Variants in TOX observed in about 807,000 individuals in gnomAD.
TOX encodes thymocyte selection-associated high mobility group box protein TOX.
In TOX, 11 loss-of-function variants were observed where a neutral mutation model predicts 53.7. That is an observed-to-expected ratio of 0.20 (90% confidence interval 0.13 to 0.34). The LOEUF (loss-of-function observed/expected upper bound fraction) is 0.34, where lower values mean the gene tolerates loss of function less well. TOX is among the 10% of genes least tolerant of loss of function. The pLI is 1.00. For missense variants in TOX, 570 were observed against 664.6 expected, an observed-to-expected ratio of 0.86 and a Z score of 1.56; for synonymous variants, 225 against 245.3, an observed-to-expected ratio of 0.92 and a Z score of 0.77.
intron 2 of TOX, among the ~76,000 whole-genome samples, chr8:58,945,508 T>G (rs1209010686): frequency 6.6e-6 from 1 of 152,144 alleles, no homozygotes; most frequent in Non-Finnish European, 1.5e-5. Context: ...AAAGGAAACT[T>G]CTCACCTGAT....
chr8:58,886,726 G>A (rs1811474708), intron 3 of TOX, among the ~76,000 whole-genome samples: 1 of 151,870 alleles, frequency 6.6e-6, no homozygotes, highest in South Asian at 2.1e-4. Flanking sequence ...ATACTCTTAA[G>A]TTTTCCAAGT....
intron 1 of TOX, among the ~76,000 whole-genome samples, chr8:59,116,592 A>G (rs1255498885): frequency 6.6e-6 from 1 of 152,246 alleles, no homozygotes; most frequent in Non-Finnish European, 1.5e-5. Flanking sequence ...CAGTACATTT[A>G]ATATAATCGG....
At chr8:59,037,662 C>T (rs113631090) in intron 1 of TOX, among the ~76,000 whole-genome samples, 12,746 of 151,730 alleles carry the variant, frequency 0.084, 1,359 homozygotes, top group African/African-American at 0.24. Context: ...ATTAGCCGGC[C>T]GTGGTGGCAG....
chr8:58,944,106 T>C (rs17233300), intron 2 of TOX, among the ~76,000 whole-genome samples: 10,444 of 152,278 alleles, frequency 0.069, 552 homozygotes, highest in Admixed American at 0.16. Flanking sequence ...TACTCCCTGG[T>C]TCAAGACACA....
intron 3 of TOX, among the ~76,000 whole-genome samples, chr8:58,894,209 TG>T (rs1811603351): frequency 6.6e-6 from 1 of 152,222 alleles, no homozygotes; most frequent in Non-Finnish European, 1.5e-5. Context: ...TGGGTCAGAT[TG>T]GGATTCAGGA....
chr8:59,062,320 C>T (rs1383116878), intron 1 of TOX, among the ~76,000 whole-genome samples: 3 of 152,182 alleles, frequency 2.0e-5, no homozygotes, highest in Non-Finnish European at 2.9e-5. Flanking sequence ...TGAAGACAAT[C>T]CTGCCAGGTA....
In TOX at chr8:58,939,484, AAGG is replaced by A. The variant is rs764540567; in HGVS notation, c.226_228del (p.Pro76del). The A allele has an allele frequency of 1.9e-6, 3 of 1,614,144 alleles. No individual in the cohort carries two copies. Among genetic ancestry groups the A allele is most frequent in the South Asian group, 2.2e-5 (2 of 91,078 alleles). On this transcript the variant is annotated inframe_deletion, in exon 3 of 9. Coordinates refer to ENST00000361421, the MANE Select transcript of TOX (RefSeq NM_014729.3). The stretch of plus-strand genomic sequence containing the variant: ...TGCACCAGCGAGTGGTCTGGGAGGG[AAGG>A]AGGAGTAATTGGTGGAATGTTGAAG...
At chr8:59,003,831 G>C (rs1401867247) in intron 1 of TOX, among the ~76,000 whole-genome samples, 2 of 152,124 alleles carry the variant, frequency 1.3e-5, no homozygotes, top group Non-Finnish European at 2.9e-5. Flanking sequence ...TTTTTAATTT[G>C]TTTAAGCACA....
chr8:58,806,345 T>C lies in TOX; in HGVS notation c.*1402A>G, dbSNP rs146442552. 7.2e-5 allele frequency: 11 copies of C among 152,272 alleles called. No individual in the cohort carries two copies. The highest frequency in any genetic ancestry group is 1.5e-4 in the Non-Finnish European group (10 of 68,012). The allele number at this position is 152,272 out of a possible 1,614,324, so 9.4% of individuals were successfully genotyped here. A position where few individuals can be genotyped will look rare whatever the true frequency, so the allele number is the denominator to read the frequency against. On this transcript the variant is annotated 3_prime_UTR_variant, in exon 9 of 9. Transcript: ENST00000361421. The stretch of plus-strand genomic sequence containing the variant: ...CCCTTTCACTTCTTCCAGCCCCTAG[T>C]TCAATTCTTAAATGCTTTCTGGATT...
intron 3 of TOX, among the ~76,000 whole-genome samples, chr8:58,926,468 C>G (rs893398800): frequency 1.3e-5 from 2 of 152,106 alleles, no homozygotes; most frequent in African/African-American, 2.4e-5. Context: ...ATTTACCACT[C>G]TATGTTAATT....
At chr8:59,047,394 A>AT (rs1245292603) in intron 1 of TOX, among the ~76,000 whole-genome samples, 3 of 141,350 alleles carry the variant, frequency 2.1e-5, no homozygotes, top group African/African-American at 7.9e-5. Flanking sequence ...TTTTTTTTTT[A>AT]TTTTTTTATT....
intron 2 of TOX, among the ~76,000 whole-genome samples, chr8:58,947,791 G>C (rs544178399): frequency 6.6e-6 from 1 of 152,276 alleles, no homozygotes; most frequent in East Asian, 1.9e-4. Context: ...CTGATATCAG[G>C]GCCTAAAGAT....
chr8:58,897,991 C>T (rs575010986), intron 3 of TOX, among the ~76,000 whole-genome samples: 37 of 152,174 alleles, frequency 2.4e-4, no homozygotes, highest in Admixed American at 1.6e-3. Context: ...TAATTGGGTT[C>T]TAAACTATAG....
At chr8:59,073,917 A>G (rs1196599445) in intron 1 of TOX, among the ~76,000 whole-genome samples, 1 of 152,186 alleles carries the variant, frequency 6.6e-6, no homozygotes, top group Admixed American at 6.5e-5. Context: ...AAAACAAAGC[A>G]TTACTTTTCA....
intron 3 of TOX, among the ~76,000 whole-genome samples, chr8:58,935,442 G>C (rs1318629880): frequency 2.0e-5 from 3 of 152,146 alleles, no homozygotes; most frequent in African/African-American, 4.8e-5. Flanking sequence ...ATTAGAGAAA[G>C]TTGATCCTAC....
chr8:58,946,053 A>G (rs1172269478), intron 2 of TOX, among the ~76,000 whole-genome samples: 1 of 152,144 alleles, frequency 6.6e-6, no homozygotes, highest in African/African-American at 2.4e-5. Context: ...AACTTTGTCA[A>G]ATATGTTTCT....
At position 59,117,831 on chromosome 8, in the gene TOX, A is replaced by G. The variant is rs1227230654; in HGVS notation, c.102+1055T>C. On this transcript the variant is annotated intron_variant, in intron 1 of 8. Coordinates refer to ENST00000361421, the MANE Select transcript of TOX (RefSeq NM_014729.3). The surrounding 1 kb of genome is among the most constrained non-coding windows in gnomAD (Gnocchi z 4.6). ...GCCCGCCCAGCGTTTTAGAGAACTC[A>G]ATTCTCTCTGCCAACGTTCATCCAA... is the stretch of plus-strand genomic sequence containing the variant. 6.6e-6 allele frequency among the ~76,000 whole-genome samples: 1 copy of G among 152,214 alleles called. No homozygotes were observed. The highest frequency in any genetic ancestry group is 2.4e-5 in the African/African-American group (1 of 41,466).
chr8:58,830,628 A>G (rs116036053), intron 5 of TOX, among the ~76,000 whole-genome samples: 2,321 of 152,314 alleles, frequency 0.015, 67 homozygotes, highest in African/African-American at 0.053. Context: ...ATAGAAAAGC[A>G]AAATCTTATA....
intron 1 of TOX, among the ~76,000 whole-genome samples, chr8:59,109,683 T>C (rs1804978021): frequency 6.6e-6 from 1 of 152,170 alleles, no homozygotes; most frequent in Admixed American, 6.5e-5. Context: ...TATTGAAATA[T>C]AATGTTGGTT....
Sources: gnomAD v4.1 joint callset for allele counts (sites outside exome capture counted in the v4.1 genomes callset) on GRCh38, gnomAD v4.1.1 for gene constraint, Gnocchi (gnomAD v3.1) non-coding constraint, MANE v1.5 for transcripts, NCBI Gene and HGNC (gene_info 2026-07-23, HGNC 2026-07-21) for gene names.